OR1L8: variants seen among roughly 807,000 people sequenced by gnomAD.
The protein encoded by OR1L8 is olfactory receptor 1L8.
For missense variants in OR1L8, 330 were observed against 377.4 expected (o/e 0.87, Z 1.04); for synonymous variants, 148 against 147.0 (o/e 1.01, Z -0.05).
At chr9:122,559,244 C>G in the OR1L8 span, among the ~76,000 whole-genome samples, 2 of 152,034 alleles carry the variant, frequency 1.3e-5, no homozygotes, top group Non-Finnish European at 2.9e-5. Context: ...CTATTTTACT[C>G]TCTACTTCTA....
Position 122,567,153 on chromosome 9 carries a change from T to G in OR1L8, c.*395A>C, listed in dbSNP as rs187153508. On this transcript the variant is annotated 3_prime_UTR_variant, in exon 5 of 5. Transcript: ENST00000641027. ...TCATTCTTTCTCTTTTCAATTTTTT[T>G]GCAAAAACATTCAATGGCTACAAAT... The G allele has an allele frequency of 6.4e-6, 1 of 156,656 alleles. No homozygotes were observed. The highest frequency in any genetic ancestry group is 1.4e-5 in the Non-Finnish European group (1 of 71,262). 9.7% of individuals were successfully genotyped at this position (156,656 alleles called of 1,614,324 possible).
Position 122,568,297 on chromosome 9 carries a change from ACATAGGGGT to A in OR1L8, c.172_180del (p.Thr58_Met60del). On this transcript the variant is annotated inframe_deletion, in exon 5 of 5. Transcript: ENST00000641027. The stretch of plus-strand genomic sequence containing the variant: ...AGAGACAGAAAACTCAAGAAGAAAT[ACATAGGGGT>A]CTGAAGATGGGGGTTGAAGCGAATG... The A allele has an allele frequency of 6.2e-7, 1 of 1,614,168 alleles. No individual in the cohort carries two copies. Among genetic ancestry groups the A allele is most frequent in the Non-Finnish European group, 8.5e-7 (1 of 1,180,008 alleles).
At chr9:122,574,948 T>C (rs1431580429) in intron 3 of OR1L8, among the ~76,000 whole-genome samples, 1 of 152,114 alleles carries the variant, frequency 6.6e-6, no homozygotes, top group Non-Finnish European at 1.5e-5. Context: ...TGCATCTATT[T>C]ATGTATTCAT....
chr9:122,554,072 G>A, the OR1L8 span: 1,978 of 1,613,218 alleles, frequency 1.2e-3, 3 homozygotes, highest in Non-Finnish European at 1.4e-3. Flanking sequence ...TTATTCCCAC[G>A]CTAAACCCAT....
the OR1L8 span, among the ~76,000 whole-genome samples, chr9:122,552,904 C>T: frequency 5.9e-5 from 9 of 151,782 alleles, no homozygotes; most frequent in African/African-American, 2.2e-4. Flanking sequence ...TTCTCACTTC[C>T]TCTAAATAGC....
the OR1L8 span, among the ~76,000 whole-genome samples, chr9:122,547,279 G>A: frequency 1.3e-3 from 201 of 152,082 alleles, no homozygotes; most frequent in African/African-American, 4.7e-3. Flanking sequence ...GACATTCTGA[G>A]GTTAAAAATC....
At chr9:122,549,466 G>C in the OR1L8 span, among the ~76,000 whole-genome samples, 1 of 152,218 alleles carries the variant, frequency 6.6e-6, no homozygotes, top group South Asian at 2.1e-4. Flanking sequence ...TTTTTCCTCA[G>C]TTTTCTTCTA....
At chr9:122,562,014 T>C in the OR1L8 span, among the ~76,000 whole-genome samples, 1 of 152,068 alleles carries the variant, frequency 6.6e-6, no homozygotes, top group East Asian at 1.9e-4. Context: ...GAGATGAGAG[T>C]TCTGTCCTTG....
intron 1 of OR1L8, among the ~76,000 whole-genome samples, chr9:122,582,438 C>T (rs1262971456): frequency 6.6e-6 from 1 of 152,000 alleles, no homozygotes; most frequent in Non-Finnish European, 1.5e-5. Context: ...AAACAAGGCT[C>T]GGCGCAGTGG....
At chr9:122,548,803 TTTGTTGTTGTTGTTG>T in the OR1L8 span, among the ~76,000 whole-genome samples, 1 of 140,190 alleles carries the variant, frequency 7.1e-6, no homozygotes, top group Non-Finnish European at 1.5e-5. Flanking sequence ...TCCTGTGTGT[TTTGTTGTTGTTGTTG>T]TTGTTGTTGT....
At chr9:122,551,185 G>C in the OR1L8 span, among the ~76,000 whole-genome samples, 14 of 152,092 alleles carry the variant, frequency 9.2e-5, no homozygotes, top group Non-Finnish European at 1.9e-4. Flanking sequence ...GATTATTTTA[G>C]ACCTATGAAA....
At chr9:122,553,418 G>C in the OR1L8 span, 1 of 1,614,142 alleles carries the variant, frequency 6.2e-7, no homozygotes, top group Non-Finnish European at 8.5e-7. Context: ...TGGCCAACCT[G>C]TCATTAACTG....
At chr9:122,566,028 A>G (rs1290099712), downstream of OR1L8, among the ~76,000 whole-genome samples, 1 of 152,202 alleles carries the variant, frequency 6.6e-6, no homozygotes, top group African/African-American at 2.4e-5. Flanking sequence ...GAAGGAAATC[A>G]TTACAAAGGA....
Position 122,567,889 on chromosome 9 carries a change from C to T in OR1L8, c.589G>A (p.Glu197Lys), listed in dbSNP as rs1364277713. Residue 197 changes from glutamate to lysine, a missense_variant, in exon 5 of 5, where the codon GAA becomes AAA. Glu to Lys is a moderately conservative substitution (Grantham distance 56). Transcript: ENST00000641027. ...KLSCSSIFVN[E>K]IVQMTEAPIV... The stretch of plus-strand genomic sequence containing the variant: ...GGTGCTTCTGTCATCTGCACAATTT[C>T]ATTGACAAATATGGAAGAGCAGGAC... 5 of 1,613,994 alleles carry T rather than the reference C, an allele frequency of 3.1e-6. No homozygotes were observed. The highest frequency in any genetic ancestry group is 3.4e-6 in the Non-Finnish European group (4 of 1,179,946).
chr9:122,568,422 G>GAGA lies in OR1L8; in HGVS notation c.53_55dup (p.Leu18_Ser19insPhe). 1 of 1,613,052 alleles carries GAGA rather than the reference G, an allele frequency of 6.2e-7. No homozygotes were observed. Reference sequence around the variant, plus strand: ...TGTCTTTTGGTCCTCAGGCCGGGAGGAGAGTCCCAGGAGGATAAACTCGGA... The same window carrying GAGA: ...TGTCTTTTGGTCCTCAGGCCGGGAGGAGAAGAGTCCCAGGAGGATAAACTCGGA... On this transcript the variant is annotated inframe_insertion, in exon 5 of 5. Transcript: ENST00000641027.
intron 2 of OR1L8, among the ~76,000 whole-genome samples, chr9:122,577,394 C>G (rs1027223314): frequency 2.6e-5 from 4 of 152,088 alleles, no homozygotes; most frequent in African/African-American, 9.7e-5. Context: ...CACATATGAC[C>G]TCCACATACA....
intron 1 of OR1L8, among the ~76,000 whole-genome samples, chr9:122,582,898 A>G (rs916859783): frequency 5.9e-5 from 9 of 152,144 alleles, no homozygotes; most frequent in Non-Finnish European, 1.3e-4. Flanking sequence ...AATGAAAACT[A>G]AAAGCAGCTC....
chr9:122,562,783 C>G (rs1046803772), downstream of OR1L8, among the ~76,000 whole-genome samples: 2 of 152,080 alleles, frequency 1.3e-5, no homozygotes, highest in African/African-American at 2.4e-5. Context: ...CCTTCTGTGC[C>G]TAGCTTATTT....
At chr9:122,579,239 TTAA>T (rs555075805) in intron 1 of OR1L8, among the ~76,000 whole-genome samples, 169 of 152,002 alleles carry the variant, frequency 1.1e-3, no homozygotes, top group African/African-American at 3.1e-3. Context: ...AATAATAATC[TTAA>T]TAATTATAAA....
Sources: allele counts gnomAD v4.1 joint callset (sites outside exome capture counted in the v4.1 genomes callset), GRCh38; gene constraint gnomAD v4.1.1; transcripts MANE v1.5; gene names NCBI Gene and HGNC (gene_info 2026-07-23, HGNC 2026-07-21).